Variants in C10orf90 observed in about 807,000 individuals in gnomAD.
C10orf90 encodes chromosome 10 open reading frame 90, also known as (E2-independent) E3 ubiquitin-conjugating enzyme FATS.
A neutral mutation model predicts 62.5 loss-of-function variants in C10orf90; 56 were observed. That is an observed-to-expected ratio of 0.90 (90% CI 0.72 to 1.12). The LOEUF is 1.12. Among genes scored for constraint, C10orf90 ranks in the 50% most tolerant of loss-of-function variants. The pLI is 0.00. For missense variants in C10orf90, 970 were observed against 880.4 expected (o/e 1.10, Z -1.29); for synonymous variants, 386 against 340.4 (o/e 1.13, Z -1.47).
Position 126,461,584 on chromosome 10 carries a change from T to C in C10orf90, c.1827A>G (p.Gly609=). 1 of 1,611,798 alleles carries C rather than the reference T, an allele frequency of 6.2e-7. No individual in the cohort carries two copies. Among genetic ancestry groups the C allele is most frequent in the Non-Finnish European group, 8.5e-7 (1 of 1,179,440 alleles). Residue 609 remains glycine, a splice_region_variant and synonymous_variant, in exon 6 of 10, where the codon GGA becomes GGG. Coordinates refer to ENST00000488181, the MANE Select transcript of C10orf90 (RefSeq NM_001350921.2). The part of the protein sequence containing the change: ...GVQIESKFPK[G]DYTCCDLVVK... Reference sequence around the variant, plus strand: ...CAACCAAGTCACAGCATGTGTAATCTCCTAGGAGAGAAGATTTAGAATCCC... The same window carrying C: ...CAACCAAGTCACAGCATGTGTAATCCCCTAGGAGAGAAGATTTAGAATCCC...
chr10:126,562,131 G>A (rs559842998), intron 2 of C10orf90, among the ~76,000 whole-genome samples: 10 of 152,264 alleles, frequency 6.6e-5, no homozygotes, highest in Middle Eastern at 6.8e-3. Context: ...GCTTCCTGCC[G>A]GCGTTAGTTT....
chr10:126,665,162 T>C (rs1421839939), intron 1 of C10orf90, among the ~76,000 whole-genome samples: 1 of 152,106 alleles, frequency 6.6e-6, no homozygotes. Flanking sequence ...AACAGCCTTT[T>C]CTCAGCCCTC....
At chr10:126,549,744 CAA>C (rs35430859) in intron 2 of C10orf90, among the ~76,000 whole-genome samples, 7 of 143,740 alleles carry the variant, frequency 4.9e-5, no homozygotes, top group Admixed American at 6.9e-5. Context: ...TTCATAATAG[CAA>C]AAAAAAAAAA....
chr10:126,666,935 G>T (rs548963935), intron 1 of C10orf90, among the ~76,000 whole-genome samples: 1 of 150,756 alleles, frequency 6.6e-6, no homozygotes, highest in African/African-American at 2.4e-5. Context: ...AGCCAAGATC[G>T]TGCCACTGCA....
At chr10:126,515,451 A>G (rs1368704226) in intron 2 of C10orf90, among the ~76,000 whole-genome samples, 1 of 152,192 alleles carries the variant, frequency 6.6e-6, no homozygotes, top group African/African-American at 2.4e-5. Context: ...ATGTTCAGAT[A>G]TGTTTAGATA....
In C10orf90 at chr10:126,582,431, C is replaced by T. The variant is rs1007719522; in HGVS notation, c.313+64134G>A. On this transcript the variant is annotated intron_variant, in intron 2 of 9. Transcript: ENST00000488181. ...GAAACCTAAGGACACTTATGAAGCC[C>T]GCATGGAAGTGTGGAAAACAAGGAG... Among the ~76,000 whole-genome samples, 12 of 152,252 alleles carry T rather than the reference C, an allele frequency of 7.9e-5. No individual in the cohort carries two copies. The East Asian group carries it at 1.2e-3, about 15-fold the overall frequency.
chr10:126,437,476 A>G (rs1436735526), intron 7 of C10orf90, among the ~76,000 whole-genome samples: 4 of 152,128 alleles, frequency 2.6e-5, no homozygotes, highest in African/African-American at 9.7e-5. Context: ...GGGTTTGAGG[A>G]CCGCTGTTAC....
intron 3 of C10orf90, among the ~76,000 whole-genome samples, chr10:126,510,115 C>T (rs560790786): frequency 8.5e-5 from 13 of 152,160 alleles, no homozygotes; most frequent in Non-Finnish European, 1.6e-4. Flanking sequence ...AGGACCCACC[C>T]TAATGACCTC....
chr10:126,450,251 T>G (rs1256890035), intron 7 of C10orf90, among the ~76,000 whole-genome samples: 1 of 152,184 alleles, frequency 6.6e-6, no homozygotes. Context: ...TGCAGAATAT[T>G]GTTAAAATAT....
intron 2 of C10orf90, among the ~76,000 whole-genome samples, chr10:126,622,456 G>A (rs1845664490): frequency 6.6e-6 from 1 of 152,262 alleles, no homozygotes; most frequent in South Asian, 2.1e-4. Flanking sequence ...ACAACCTCCA[G>A]GGTTTCATTG....
chr10:126,527,205 C>T (rs1863975927), intron 2 of C10orf90, among the ~76,000 whole-genome samples: 1 of 152,190 alleles, frequency 6.6e-6, no homozygotes, highest in Non-Finnish European at 1.5e-5. Context: ...TCATTTTTCG[C>T]CAGCCTTCCT....
chr10:126,470,099 G>C (rs1252988752), intron 4 of C10orf90: 3 of 446,970 alleles, frequency 6.7e-6, no homozygotes, highest in East Asian at 7.0e-5. Flanking sequence ...AGGGGGGAAG[G>C]CACTCTTCTG....
chr10:126,468,226 G>A (rs1279529422), intron 4 of C10orf90, among the ~76,000 whole-genome samples: 3 of 151,888 alleles, frequency 2.0e-5, no homozygotes, highest in African/African-American at 4.8e-5. Flanking sequence ...CCACCACCAC[G>A]CCCAGCTAAT....
chr10:126,599,885 ACTGT>A (rs1422699714), intron 2 of C10orf90, among the ~76,000 whole-genome samples: 1 of 152,230 alleles, frequency 6.6e-6, no homozygotes, highest in Non-Finnish European at 1.5e-5. Context: ...CAGAGCATAA[ACTGT>A]AATAAATGTG....
At chr10:126,478,219 C>T (rs1263669082) in intron 4 of C10orf90, among the ~76,000 whole-genome samples, 1 of 152,176 alleles carries the variant, frequency 6.6e-6, no homozygotes, top group Non-Finnish European at 1.5e-5. Flanking sequence ...AACTTGGAAT[C>T]CTTGAATAAA....
rs1857226011 is a variant in C10orf90, at chr10:126,425,812, C to A, written c.*52G>T. 1 of 1,564,532 alleles carries A rather than the reference C, an allele frequency of 6.4e-7. No individual in the cohort carries two copies. Among genetic ancestry groups the A allele is most frequent in the Non-Finnish European group, 8.7e-7 (1 of 1,151,392 alleles). On this transcript the variant is annotated 3_prime_UTR_variant, in exon 10 of 10. Coordinates refer to ENST00000488181, the MANE Select transcript of C10orf90 (RefSeq NM_001350921.2). ...ATGCTAAGTTTAATGGCTTATCCAG[C>A]ATTCGAAGTCCTCCCAGGTCCAGGT...
chr10:126,512,396 G>GTGTGTGTC (rs879590595), intron 3 of C10orf90, among the ~76,000 whole-genome samples: 3 of 18,574 alleles, frequency 1.6e-4, no homozygotes, highest in African/African-American at 3.3e-4. Context: ...CTGTGTGTGT[G>GTGTGTGTC]TGTGTGTCTG....
intron 7 of C10orf90, among the ~76,000 whole-genome samples, chr10:126,443,119 G>A (rs1194431366): frequency 6.6e-6 from 1 of 151,842 alleles, no homozygotes; most frequent in Non-Finnish European, 1.5e-5. Context: ...AGAGAACCAA[G>A]AACAAATCAA....
chr10:126,465,105 G>A (rs1860210720), intron 4 of C10orf90, 119 bp from the exon 5 acceptor site: 1 of 1,021,552 alleles, frequency 9.8e-7, no homozygotes, highest in Non-Finnish European at 1.4e-6. Flanking sequence ...AGCACTGCAA[G>A]TTCAGTTAGG....
Sources: allele counts gnomAD v4.1 joint callset (sites outside exome capture counted in the v4.1 genomes callset), GRCh38; gene constraint gnomAD v4.1.1; transcripts MANE v1.5; gene names NCBI Gene and HGNC (gene_info 2026-07-23, HGNC 2026-07-21).